The following RELN variants were observed in gnomAD, a reference collection of about 807,000 sequenced individuals.
The protein encoded by RELN is reelin.
A neutral mutation model predicts 427.6 loss-of-function variants in RELN; 108 were observed. The observed-to-expected ratio is 0.25, with a 90% CI of 0.22 to 0.30. RELN has a LOEUF of 0.30. RELN is among the 10% of genes least tolerant of loss of function. The pLI is 1.00. For synonymous variants in RELN, 1,524 were observed against 1,513.4 expected, an observed-to-expected ratio of 1.01 and a Z score of -0.16; for missense variants, 3,715 against 4,302.8, an observed-to-expected ratio of 0.86 and a Z score of 3.82.
intron 2 of RELN, among the ~76,000 whole-genome samples, chr7:103,859,745 A>G (rs1044271495): frequency 9.2e-5 from 14 of 152,194 alleles, no homozygotes; most frequent in African/African-American, 2.9e-4. Flanking sequence ...TTTCTTCACA[A>G]ATTATAGAGT....
At chr7:103,542,907 T>C (rs1830204917) in intron 42 of RELN, 29 bp from the exon 43 acceptor site, 9 of 1,609,864 alleles carry the variant, frequency 5.6e-6, no homozygotes, top group Non-Finnish European at 7.7e-6. Context: ...ATGGTTTACC[T>C]ATGACCCCAA....
chr7:103,566,564 A>G, intron 32 of RELN, 37 bp downstream of exon 32: 1 of 1,613,424 alleles, frequency 6.2e-7, no homozygotes, highest in Non-Finnish European at 8.5e-7. Context: ...TTCATGACCT[A>G]AAAGCTACCA....
At position 103,574,312 on chromosome 7, in the gene RELN, A is replaced by G; in HGVS notation, c.4304-13T>C. 1 of 1,609,200 alleles carries G rather than the reference A, an allele frequency of 6.2e-7. No individual in the cohort carries two copies. The highest frequency in any genetic ancestry group is 1.7e-5 in the Admixed American group (1 of 60,012). On this transcript the variant is annotated splice_polypyrimidine_tract_variant and intron_variant, in intron 29 of 64. Transcript: ENST00000428762. Reference sequence around the variant, plus strand: ...GTTCCTTGTGCAGCTTCAGAAAAAGAAATAGAGAGGAGAGATGCTTTGTTG... The same window carrying G: ...GTTCCTTGTGCAGCTTCAGAAAAAGGAATAGAGAGGAGAGATGCTTTGTTG...
intron 5 of RELN, among the ~76,000 whole-genome samples, chr7:103,750,368 T>G (rs1790967755): frequency 6.6e-6 from 1 of 152,210 alleles, no homozygotes; most frequent in Non-Finnish European, 1.5e-5. Context: ...TGCTTCCCCT[T>G]CTGCCACAAT....
chr7:103,919,837 T>C (rs1346692829), intron 1 of RELN, among the ~76,000 whole-genome samples: 2 of 152,170 alleles, frequency 1.3e-5, no homozygotes, highest in Non-Finnish European at 2.9e-5. Context: ...AAAGGGAAAA[T>C]TTACCATACA....
At chr7:103,924,246 G>A (rs1296579437) in intron 1 of RELN, among the ~76,000 whole-genome samples, 2 of 152,062 alleles carry the variant, frequency 1.3e-5, no homozygotes, top group African/African-American at 4.8e-5. Context: ...CTTGATGTCT[G>A]CTGTACTAAT....
chr7:103,797,095 A>AT (rs1374754258), intron 3 of RELN, among the ~76,000 whole-genome samples: 3 of 151,328 alleles, frequency 2.0e-5, no homozygotes, highest in African/African-American at 7.3e-5. Context: ...TATTTATTTC[A>AT]TTTTTTTGAG....
At chr7:103,842,285 G>A (rs868628454) in intron 2 of RELN, among the ~76,000 whole-genome samples, 1 of 150,722 alleles carries the variant, frequency 6.6e-6, no homozygotes, top group African/African-American at 2.4e-5. Flanking sequence ...AGACTGTTCT[G>A]AAAATGTAGT....
intron 20 of RELN, among the ~76,000 whole-genome samples, chr7:103,617,846 AT>A (rs1273097358): frequency 6.6e-6 from 1 of 152,012 alleles, no homozygotes; most frequent in Non-Finnish European, 1.5e-5. Context: ...CCTTGAGGTA[AT>A]GAGTGAGTTC....
At chr7:103,913,909 T>C (rs955369239) in intron 2 of RELN, among the ~76,000 whole-genome samples, 5 of 152,314 alleles carry the variant, frequency 3.3e-5, no homozygotes, top group African/African-American at 1.2e-4. Flanking sequence ...TATACATCCA[T>C]ATAAAACATA....
chr7:103,836,112 G>A (rs1793400419), intron 2 of RELN, among the ~76,000 whole-genome samples: 1 of 152,028 alleles, frequency 6.6e-6, no homozygotes, highest in Non-Finnish European at 1.5e-5. Context: ...ACAGGTGCCT[G>A]CCACCACAGC....
intron 17 of RELN, among the ~76,000 whole-genome samples, chr7:103,638,713 A>G (rs1458885378): frequency 6.6e-6 from 1 of 152,232 alleles, no homozygotes. Context: ...TAAATGGTGA[A>G]AATATTCCAT....
intron 51 of RELN, among the ~76,000 whole-genome samples, chr7:103,505,602 G>A (rs756137369): frequency 2.6e-5 from 4 of 152,276 alleles, no homozygotes; most frequent in East Asian, 1.9e-4. Flanking sequence ...ATAAATCCAC[G>A]AAGATGGGGA....
At chr7:103,493,914 C>T (rs1321709674) in intron 57 of RELN, among the ~76,000 whole-genome samples, 1 of 152,076 alleles carries the variant, frequency 6.6e-6, no homozygotes, top group Non-Finnish European at 1.5e-5. Context: ...GATAGACTCT[C>T]TTTTTTTCCT....
intron 12 of RELN, among the ~76,000 whole-genome samples, chr7:103,657,216 T>A (rs1251679293): frequency 1.3e-5 from 2 of 152,070 alleles, no homozygotes; most frequent in Non-Finnish European, 2.9e-5. Context: ...ATCTTATGAT[T>A]TTGACATTTA....
chr7:103,706,578 G>A lies in RELN; in HGVS notation c.806-5572C>T, dbSNP rs543798185. 8.7e-4 allele frequency among the ~76,000 whole-genome samples: 132 copies of A among 152,200 alleles called. 3 individuals carry two copies. Among genetic ancestry groups the A allele is most frequent in the African/African-American group, 3.1e-3 (130 of 41,532 alleles). ...CAGAATGGAGTAGATATAAACCCAT[G>A]CTTTCGACTTCTTCACTATACTTCT... On this transcript the variant is annotated intron_variant, in intron 8 of 64. Coordinates refer to ENST00000428762, the MANE Select transcript of RELN (RefSeq NM_005045.4).
At chr7:103,606,996 C>A (rs888525827) in intron 22 of RELN, among the ~76,000 whole-genome samples, 4 of 150,096 alleles carry the variant, frequency 2.7e-5, no homozygotes, top group Non-Finnish European at 2.9e-5. Context: ...CATGTCCCTA[C>A]AAAGGACACG....
chr7:103,944,812 T>C (rs1306186798), intron 1 of RELN, among the ~76,000 whole-genome samples: 2 of 152,134 alleles, frequency 1.3e-5, no homozygotes, highest in African/African-American at 4.8e-5. Flanking sequence ...CTGAAAATCC[T>C]GACACTGGCT....
At chr7:103,751,220 G>C (rs1270877697) in intron 5 of RELN, among the ~76,000 whole-genome samples, 1 of 152,076 alleles carries the variant, frequency 6.6e-6, no homozygotes, top group Non-Finnish European at 1.5e-5. Context: ...AATAATATCT[G>C]ATTAACAAAA....
Sources: allele counts gnomAD v4.1 joint callset (sites outside exome capture counted in the v4.1 genomes callset), GRCh38; gene constraint gnomAD v4.1.1; transcripts MANE v1.5; gene names NCBI Gene and HGNC (gene_info 2026-07-23, HGNC 2026-07-21).